TBC1D5: variants seen among roughly 807,000 people sequenced by gnomAD.
TBC1D5 encodes the protein TBC1 domain family, member 5.
TBC1D5 carries 75 observed loss-of-function variants against 100.3 expected under a neutral mutation model. That is an observed-to-expected ratio of 0.75 (90% CI 0.62 to 0.91). The LOEUF (loss-of-function observed/expected upper bound fraction) is 0.91, where lower values mean the gene tolerates loss of function less well. TBC1D5 is among the 40% of genes least tolerant of loss of function. The pLI is 0.00. For missense variants in TBC1D5, 910 were observed against 942.4 expected, an observed-to-expected ratio of 0.97 and a Z score of 0.45; for synonymous variants, 323 against 325.6, an observed-to-expected ratio of 0.99 and a Z score of 0.09.
At chr3:17,686,411 T>C (rs1234923183) in intron 1 of TBC1D5, among the ~76,000 whole-genome samples, 1 of 152,178 alleles carries the variant, frequency 6.6e-6, no homozygotes, top group Non-Finnish European at 1.5e-5. Context: ...CTGAAGGGAC[T>C]ACATTAAAAC....
intron 3 of TBC1D5, among the ~76,000 whole-genome samples, chr3:17,477,762 T>C (rs75222012): frequency 0.08 from 12,182 of 152,060 alleles, 1,007 homozygotes; most frequent in African/African-American, 0.22. Flanking sequence ...ATAATAAATG[T>C]TTACTATATT....
intron 2 of TBC1D5, among the ~76,000 whole-genome samples, chr3:17,536,825 G>C (rs1378547896): frequency 6.6e-6 from 1 of 152,214 alleles, no homozygotes; most frequent in Admixed American, 6.5e-5. Flanking sequence ...GCAGCTGGTT[G>C]AGAGAGTTAA....
At chr3:17,204,507 T>C (rs1272465962) in intron 18 of TBC1D5, among the ~76,000 whole-genome samples, 5 of 152,200 alleles carry the variant, frequency 3.3e-5, no homozygotes, top group Admixed American at 6.6e-5. Context: ...ACTTGAGCTT[T>C]CCCCAAACCA....
chr3:17,478,372 G>A (rs1228155398), intron 3 of TBC1D5, among the ~76,000 whole-genome samples: 1 of 152,126 alleles, frequency 6.6e-6, no homozygotes, highest in African/African-American at 2.4e-5. Context: ...TTCAGGGTGT[G>A]ACTTTCCAGC....
intron 3 of TBC1D5, among the ~76,000 whole-genome samples, chr3:17,495,120 C>G (rs2095690095): frequency 6.6e-6 from 1 of 152,192 alleles, no homozygotes; most frequent in Non-Finnish European, 1.5e-5. Flanking sequence ...ATGAGAGAAC[C>G]TGGATACCTC....
At chr3:17,588,735 A>C (rs75718951) in intron 2 of TBC1D5, among the ~76,000 whole-genome samples, 6 of 152,300 alleles carry the variant, frequency 3.9e-5, no homozygotes, top group Non-Finnish European at 8.8e-5. Flanking sequence ...CATGAAACCA[A>C]TTTTCAATAA....
chr3:17,244,470 T>TGCCCTTCCTTCC (rs1232598329), intron 16 of TBC1D5, among the ~76,000 whole-genome samples: 1 of 152,304 alleles, frequency 6.6e-6, no homozygotes, highest in African/African-American at 2.4e-5. Context: ...CCATTCCTTC[T>TGCCCTTCCTTCC]GCCCTTCCTT....
In TBC1D5 at chr3:17,633,106, C is replaced by T. The variant is rs562645348; in HGVS notation, c.-100-9193G>A. Among the ~76,000 whole-genome samples the T allele has an allele frequency of 1.7e-3, 258 of 152,232 alleles. 2 individuals carry two copies. The highest frequency in any genetic ancestry group is 5.9e-3 in the African/African-American group (245 of 41,538). On this transcript the variant is annotated intron_variant, in intron 1 of 21. Coordinates refer to ENST00000253692, the Ensembl canonical transcript of TBC1D5. ...AAACAAAATAAGAAAAGGTTTAATA[C>T]ACCCTCCTGAAATATCCATTATCTA... is the stretch of plus-strand genomic sequence containing the variant.
chr3:17,537,871 A>T (rs951005954), intron 2 of TBC1D5, among the ~76,000 whole-genome samples: 1 of 152,196 alleles, frequency 6.6e-6, no homozygotes, highest in Admixed American at 6.5e-5. Flanking sequence ...CGTTCAACTT[A>T]GAAGTTTATT....
Position 17,549,650 on chromosome 3 carries a change from C to T in TBC1D5, c.-35-41045G>A, listed in dbSNP as rs576916472. ...ATATAGTTGTTTTAATAATGAATGG[C>T]GCAGGCGCTGTGGCTCACGCCTGTA... is the stretch of plus-strand genomic sequence containing the variant. On this transcript the variant is annotated intron_variant, in intron 2 of 21. Coordinates refer to ENST00000253692, the Ensembl canonical transcript of TBC1D5. 6.6e-5 allele frequency among the ~76,000 whole-genome samples: 10 copies of T among 151,948 alleles called. No homozygotes were observed. The South Asian group carries it at 1.7e-3, about 25-fold the overall frequency.
chr3:17,510,349 ACAAT>A lies in TBC1D5; in HGVS notation c.-35-1748_-35-1745del, dbSNP rs575291307. On this transcript the variant is annotated intron_variant, in intron 2 of 21. Coordinates refer to ENST00000253692, the Ensembl canonical transcript of TBC1D5. ...AGTCTCCAAAACCCCCTACATCCAC[ACAAT>A]CACAGTCAGACGTTAATAAAACCTA... 2.8e-3 allele frequency among the ~76,000 whole-genome samples: 431 copies of A among 152,162 alleles called. 2 individuals carry two copies. Among genetic ancestry groups the A allele is most frequent in the Non-Finnish European group, 5.2e-3 (353 of 67,888 alleles).
intron 3 of TBC1D5, among the ~76,000 whole-genome samples, chr3:17,497,978 G>GT (rs771051621): frequency 2.6e-5 from 4 of 152,046 alleles, no homozygotes; most frequent in Non-Finnish European, 4.4e-5. Context: ...TTATCAAGTG[G>GT]TAGAATATCA....
chr3:17,331,096 T>C (rs1046252976), intron 13 of TBC1D5, among the ~76,000 whole-genome samples: 1 of 152,166 alleles, frequency 6.6e-6, no homozygotes, highest in Non-Finnish European at 1.5e-5. Context: ...AATGTGTCCC[T>C]GCAATTAGAA....
At chr3:17,520,892 T>A (rs930141271) in intron 2 of TBC1D5, among the ~76,000 whole-genome samples, 4 of 151,956 alleles carry the variant, frequency 2.6e-5, no homozygotes, top group African/African-American at 9.7e-5. Flanking sequence ...TTAAAAGAGA[T>A]CTCAAAGGAC....
intron 2 of TBC1D5, among the ~76,000 whole-genome samples, chr3:17,590,114 G>A (rs1050309113): frequency 8.5e-5 from 13 of 152,248 alleles, no homozygotes; most frequent in South Asian, 4.1e-4. Context: ...AAGTCCCAGC[G>A]GGCCCCAGAG....
chr3:17,529,353 G>A (rs1281126844), intron 2 of TBC1D5, among the ~76,000 whole-genome samples: 1 of 152,072 alleles, frequency 6.6e-6, no homozygotes, highest in African/African-American at 2.4e-5. Flanking sequence ...TTTGCCTGGG[G>A]AATAAAACAT....
At chr3:17,529,540 T>A (rs1346948956) in intron 2 of TBC1D5, among the ~76,000 whole-genome samples, 1 of 152,166 alleles carries the variant, frequency 6.6e-6, no homozygotes, top group Non-Finnish European at 1.5e-5. Flanking sequence ...GGTGTTTACA[T>A]ATATACATAT....
chr3:17,307,260 A>G (rs902139322), intron 14 of TBC1D5, among the ~76,000 whole-genome samples: 3 of 152,160 alleles, frequency 2.0e-5, no homozygotes, highest in African/African-American at 7.2e-5. Context: ...CAATCACATA[A>G]TTTTGTGCAC....
Position 17,464,866 on chromosome 3 carries a change from A to AT in TBC1D5, c.98-36348dup, listed in dbSNP as rs1289410303. Among the ~76,000 whole-genome samples the AT allele has an allele frequency of 2.2e-4, 33 of 147,868 alleles. 1 individual carries two copies. The highest frequency in any genetic ancestry group is 1.5e-3 in the South Asian group (7 of 4,702). ...TATATTTCAAAAAGTTTTTTTCAAG[A>AT]TAAAAAAAAACAGTATTCTGTGACA... On this transcript the variant is annotated intron_variant, in intron 3 of 21. Transcript: ENST00000253692.
Sources: gnomAD v4.1 joint callset for allele counts (sites outside exome capture counted in the v4.1 genomes callset) on GRCh38, gnomAD v4.1.1 for gene constraint, MANE v1.5 for transcripts, NCBI Gene and HGNC (gene_info 2026-07-23, HGNC 2026-07-21) for gene names.